QKI: variants seen among roughly 807,000 people sequenced by gnomAD.
The protein encoded by QKI is QKI, KH domain containing RNA binding.
QKI carries 10 observed loss-of-function variants against 39.0 expected under a neutral mutation model. That is an observed-to-expected ratio of 0.26 (90% confidence interval 0.16 to 0.43). QKI has a LOEUF of 0.43. Among genes scored for constraint, QKI ranks in the 20% least tolerant of loss-of-function variants. The probability of loss-of-function intolerance (pLI) is 1.00; values close to 1 mark genes in which losing one functional copy is unlikely to be tolerated. For synonymous variants in QKI, 204 were observed against 155.4 expected, an observed-to-expected ratio of 1.31 and a Z score of -2.33; for missense variants, 218 against 428.0, an observed-to-expected ratio of 0.51 and a Z score of 4.33.
At chr6:163,497,154 T>C (rs1435024492) in intron 3 of QKI, among the ~76,000 whole-genome samples, 1 of 152,190 alleles carries the variant, frequency 6.6e-6, no homozygotes, top group Admixed American at 6.5e-5. Flanking sequence ...GTATATTTTA[T>C]TGTGGTTTTG....
chr6:163,484,275 T>A (rs1351924694), intron 3 of QKI, among the ~76,000 whole-genome samples: 1 of 151,660 alleles, frequency 6.6e-6, no homozygotes, highest in African/African-American at 2.4e-5. Flanking sequence ...CAATCTCAGG[T>A]CACTGCAACC....
At chr6:163,568,861 A>G in intron 7 of QKI, 1 of 985,748 alleles carries the variant, frequency 1.0e-6, no homozygotes, top group Non-Finnish European at 1.2e-6. Flanking sequence ...GTTGTAATGA[A>G]CTGTATGGTC....
intron 3 of QKI, among the ~76,000 whole-genome samples, chr6:163,486,331 T>G (rs1029760826): frequency 6.6e-6 from 1 of 152,240 alleles, no homozygotes; most frequent in African/African-American, 2.4e-5. Context: ...CAAATGTATT[T>G]GGCCATAGTC....
At chr6:163,526,670 T>C (rs1780535330) in intron 3 of QKI, among the ~76,000 whole-genome samples, 1 of 152,212 alleles carries the variant, frequency 6.6e-6, no homozygotes. Context: ...GGGAAACTTT[T>C]TGTACATATT....
Position 163,535,128 on chromosome 6 carries a change from A to ACAGAG in QKI, c.546+3_546+4insCAGAG. 6.3e-7 allele frequency: 1 copy of ACAGAG among 1,580,610 alleles called. No individual in the cohort carries two copies. Reference sequence around the variant, plus strand: ...TGAAGAAATTATTGGTACCTGCAGTAAGTAATAATTTCCAGACCTTAGATT... The same window carrying ACAGAG: ...TGAAGAAATTATTGGTACCTGCAGTACAGAGAGTAATAATTTCCAGACCTTAGATT... On this transcript the variant is annotated splice_donor_region_variant and intron_variant, in intron 4 of 7. Coordinates refer to ENST00000361752, the MANE Select transcript of QKI (RefSeq NM_006775.3).
intron 3 of QKI, 68 bp downstream of exon 3, chr6:163,478,964 A>C (rs567839260): frequency 4.3e-5 from 57 of 1,321,494 alleles, no homozygotes; most frequent in African/African-American, 4.2e-4. Context: ...CGTAATAATA[A>C]AATTTCCAGA....
intron 3 of QKI, among the ~76,000 whole-genome samples, chr6:163,506,700 A>T (rs1036305479): frequency 6.6e-6 from 1 of 152,194 alleles, no homozygotes; most frequent in African/African-American, 2.4e-5. Context: ...TATCTTAACC[A>T]CTATAATGTG....
intron 3 of QKI, among the ~76,000 whole-genome samples, chr6:163,496,188 T>A (rs957624558): frequency 2.0e-5 from 3 of 152,220 alleles, no homozygotes; most frequent in Non-Finnish European, 4.4e-5. Flanking sequence ...CCTTGACTTT[T>A]ACACTGCTTG....
Position 163,418,937 on chromosome 6 carries a change from T to C in QKI, c.142+3602T>C, listed in dbSNP as rs185736554. Among the ~76,000 whole-genome samples the C allele has an allele frequency of 2.0e-3, 303 of 152,180 alleles. 2 individuals carry two copies. Among genetic ancestry groups the C allele is most frequent in the Non-Finnish European group, 3.6e-3 (247 of 67,934 alleles). On this transcript the variant is annotated intron_variant, in intron 1 of 7. Transcript: ENST00000361752. ...GATTTTGAGTTTTCAATTTTTTAGG[T>C]GGAGGTGGGCTTAAAGCTGCTGATA...
chr6:163,432,071 C>T (rs1426292450), intron 1 of QKI, among the ~76,000 whole-genome samples: 1 of 152,128 alleles, frequency 6.6e-6, no homozygotes, highest in African/African-American at 2.4e-5. Context: ...CCCCTCTAAG[C>T]AGAATAATGT....
intron 1 of QKI, among the ~76,000 whole-genome samples, chr6:163,442,359 T>G (rs576581080): frequency 1.3e-5 from 2 of 152,334 alleles, no homozygotes; most frequent in African/African-American, 4.8e-5. Context: ...TAGACATAAC[T>G]TTCATGAACA....
chr6:163,428,521 TAAA>T (rs1306419076), intron 1 of QKI, among the ~76,000 whole-genome samples: 8 of 152,164 alleles, frequency 5.3e-5, no homozygotes, highest in South Asian at 2.1e-4. Context: ...ATCATAGTAA[TAAA>T]AAATTATCAG....
intron 4 of QKI, among the ~76,000 whole-genome samples, chr6:163,537,142 G>A (rs528388226): frequency 4.6e-5 from 7 of 152,278 alleles, no homozygotes; most frequent in Non-Finnish European, 1.0e-4. Flanking sequence ...AAGAAGTTGA[G>A]CTATATGATA....
chr6:163,537,869 C>T (rs1031979956), intron 4 of QKI, among the ~76,000 whole-genome samples: 1 of 152,180 alleles, frequency 6.6e-6, no homozygotes, highest in African/African-American at 2.4e-5. Flanking sequence ...TCTATTGTTA[C>T]CTTTCCCTGC....
At chr6:163,567,815 G>GTTT in intron 7 of QKI, 4 of 985,284 alleles carry the variant, frequency 4.1e-6, no homozygotes, top group Non-Finnish European at 4.8e-6. Context: ...GGAGGAAAAA[G>GTTT]TGCTGGATTT....
At position 163,570,678 on chromosome 6, in the gene QKI, G is replaced by C; in HGVS notation, c.1010-16G>C. On this transcript the variant is annotated splice_polypyrimidine_tract_variant and intron_variant, in intron 7 of 7. Coordinates refer to ENST00000361752, the MANE Select transcript of QKI (RefSeq NM_006775.3). Reference sequence around the variant, plus strand: ...TCTTTTTTTTGTTTTGTTTTTTTTTGTTTCTAACCACCCAGCCGCCACCGG... The same window carrying C: ...TCTTTTTTTTGTTTTGTTTTTTTTTCTTTCTAACCACCCAGCCGCCACCGG... 6.5e-7 allele frequency: 1 copy of C among 1,530,778 alleles called. No homozygotes were observed. 94.8% of individuals were successfully genotyped at this position (1,530,778 alleles called of 1,614,324 possible).
At chr6:163,548,795 C>G (rs1482001112) in intron 4 of QKI, among the ~76,000 whole-genome samples, 4 of 152,096 alleles carry the variant, frequency 2.6e-5, no homozygotes, top group African/African-American at 9.7e-5. Context: ...ATCACTCTGG[C>G]TACGAGGTGA....
chr6:163,437,008 A>C (rs2128213249), intron 1 of QKI, among the ~76,000 whole-genome samples: 1 of 152,234 alleles, frequency 6.6e-6, no homozygotes, highest in South Asian at 2.1e-4. Context: ...TGGAGAGGAG[A>C]GTTCAAAATA....
chr6:163,473,953 C>T (rs1183331680), intron 2 of QKI, among the ~76,000 whole-genome samples: 3 of 151,876 alleles, frequency 2.0e-5, no homozygotes, highest in East Asian at 1.9e-4. Context: ...TGCCAGGAAA[C>T]AATTTGCTCA....
Sources: gnomAD v4.1 joint callset for allele counts (sites outside exome capture counted in the v4.1 genomes callset) on GRCh38, gnomAD v4.1.1 for gene constraint, MANE v1.5 for transcripts, NCBI Gene and HGNC (gene_info 2026-07-23, HGNC 2026-07-21) for gene names.